The following NKAIN3 variants were observed in gnomAD, a reference collection of about 807,000 sequenced individuals.
NKAIN3 encodes sodium/potassium-transporting ATPase subunit beta-1-interacting protein 3.
Under a neutral mutation model 30.2 loss-of-function variants are expected in NKAIN3, and 25 were observed. The ratio of observed to expected loss-of-function variants is 0.83; its 90% CI spans 0.60 to 1.16. The LOEUF is 1.16. Among genes scored for constraint, NKAIN3 ranks in the 50% most tolerant of loss-of-function variants. The pLI, the probability that NKAIN3 is intolerant of heterozygous loss-of-function variation, is 0.00. For synonymous variants in NKAIN3, 91 were observed against 89.6 expected (o/e 1.02, Z -0.09); for missense variants, 225 against 254.1 (o/e 0.89, Z 0.78).
intron 4 of NKAIN3, among the ~76,000 whole-genome samples, chr8:62,871,389 C>T (rs376935868): frequency 8.9e-5 from 11 of 123,758 alleles, no homozygotes; most frequent in East Asian, 8.6e-4. Flanking sequence ...GGTGACAGAG[C>T]GAGACTCTGT....
chr8:62,385,557 A>G (rs772159592), intron 1 of NKAIN3, among the ~76,000 whole-genome samples: 2 of 152,174 alleles, frequency 1.3e-5, no homozygotes, highest in Non-Finnish European at 1.5e-5. Flanking sequence ...TATTCAAGAA[A>G]ATTTACTCAT....
intron 1 of NKAIN3, among the ~76,000 whole-genome samples, chr8:62,250,011 C>G (rs1812049111): frequency 1.3e-5 from 2 of 152,200 alleles, no homozygotes; most frequent in Non-Finnish European, 2.9e-5. Context: ...TAATAGACAT[C>G]TCCCTTGCGT....
chr8:62,417,985 A>G (rs1202147236), intron 1 of NKAIN3, among the ~76,000 whole-genome samples: 1 of 152,150 alleles, frequency 6.6e-6, no homozygotes, highest in Non-Finnish European at 1.5e-5. Flanking sequence ...AATGAGATCA[A>G]ATTCTATTTT....
intron 1 of NKAIN3, among the ~76,000 whole-genome samples, chr8:62,313,607 T>C (rs1814517579): frequency 6.6e-6 from 1 of 152,178 alleles, no homozygotes; most frequent in Admixed American, 6.5e-5. Context: ...AAATAGTTGA[T>C]ATTCCCTATG....
intron 6 of NKAIN3, among the ~76,000 whole-genome samples, chr8:62,959,773 G>A (rs956933478): frequency 1.2e-4 from 19 of 152,134 alleles, no homozygotes; most frequent in Non-Finnish European, 1.2e-4. Flanking sequence ...GTGGAGCCCC[G>A]TTCCCTGAGG....
intron 2 of NKAIN3, among the ~76,000 whole-genome samples, chr8:62,581,008 C>T (rs1585973654): frequency 6.7e-6 from 1 of 149,892 alleles, no homozygotes. Flanking sequence ...GGGGCCAAGG[C>T]AGGAGGATCG....
chr8:62,773,460 C>T (rs930363288), intron 4 of NKAIN3, among the ~76,000 whole-genome samples: 2 of 152,118 alleles, frequency 1.3e-5, no homozygotes, highest in Non-Finnish European at 2.9e-5. Context: ...GTTACTGTAG[C>T]TCTGCAGCAT....
chr8:62,437,608 C>T (rs1031874574), intron 1 of NKAIN3, among the ~76,000 whole-genome samples: 2 of 152,050 alleles, frequency 1.3e-5, no homozygotes, highest in Non-Finnish European at 2.9e-5. Flanking sequence ...ATGGGTGCTA[C>T]GGAGAGCAAT....
chr8:62,595,382 C>CTTT (rs1181598520), intron 3 of NKAIN3, among the ~76,000 whole-genome samples: 2,146 of 109,872 alleles, frequency 0.02, 75 homozygotes, highest in South Asian at 0.042. Context: ...GGGCTATTTT[C>CTTT]TTTTTTTTTT....
At chr8:62,333,846 A>C (rs1022731176) in intron 1 of NKAIN3, among the ~76,000 whole-genome samples, 1 of 152,108 alleles carries the variant, frequency 6.6e-6, no homozygotes, top group Non-Finnish European at 1.5e-5. Context: ...ACAGTTATCC[A>C]TCACCAAACT....
At chr8:62,913,554 G>T (rs1821989236) in intron 4 of NKAIN3, among the ~76,000 whole-genome samples, 1 of 152,184 alleles carries the variant, frequency 6.6e-6, no homozygotes, top group African/African-American at 2.4e-5. Context: ...GTATTGAGAT[G>T]AATTACAATC....
intron 1 of NKAIN3, among the ~76,000 whole-genome samples, chr8:62,431,219 T>C (rs1218013358): frequency 6.6e-6 from 1 of 151,892 alleles, no homozygotes; most frequent in African/African-American, 2.4e-5. Context: ...TAGTCATTAG[T>C]CAGGCTGCAT....
chr8:62,993,316 G>A lies in NKAIN3; in HGVS notation c.533-5915G>A, dbSNP rs757057051. Among the ~76,000 whole-genome samples, 18 of 152,174 alleles carry A rather than the reference G, an allele frequency of 1.2e-4. No homozygotes were observed. The South Asian group carries it at 1.9e-3, about 16-fold the overall frequency. On this transcript the variant is annotated intron_variant, in intron 5 of 5. Coordinates refer to the NKAIN3 transcript ENST00000519049. ...ACAACCTTTTATTACAAATAGTTTC[G>A]TTTAGTATTTTTTACATTGTAATGT...
intron 1 of NKAIN3, among the ~76,000 whole-genome samples, chr8:62,532,731 C>T (rs1808526686): frequency 6.6e-6 from 1 of 152,148 alleles, no homozygotes; most frequent in Non-Finnish European, 1.5e-5. Flanking sequence ...TATGAAAAGG[C>T]TTATTACTGG....
intron 4 of NKAIN3, among the ~76,000 whole-genome samples, chr8:62,814,398 AAC>A (rs1818603908): frequency 6.6e-6 from 1 of 151,916 alleles, no homozygotes; most frequent in Non-Finnish European, 1.5e-5. Flanking sequence ...ATATCTACAG[AAC>A]TCTCCACCCC....
intron 3 of NKAIN3, among the ~76,000 whole-genome samples, chr8:62,734,637 A>T (rs983886812): frequency 1.3e-5 from 2 of 152,210 alleles, no homozygotes; most frequent in Admixed American, 1.3e-4. Flanking sequence ...ATACTCCAAG[A>T]GAAATAAGAA....
At chr8:62,796,094 C>T (rs1817851848) in intron 4 of NKAIN3, among the ~76,000 whole-genome samples, 1 of 151,960 alleles carries the variant, frequency 6.6e-6, no homozygotes, top group Admixed American at 6.6e-5. Flanking sequence ...ATTTTAAAGT[C>T]AGCAGTAGGC....
chr8:62,330,619 A>G (rs1336676607), intron 1 of NKAIN3, among the ~76,000 whole-genome samples: 1 of 152,032 alleles, frequency 6.6e-6, no homozygotes, highest in Non-Finnish European at 1.5e-5. Context: ...CCAGATGGCA[A>G]CCTGGACATG....
rs1823693131 is a variant in NKAIN3, at chr8:62,965,681, G to A, written c.*274G>A. The stretch of plus-strand genomic sequence containing the variant: ...TTAAATTTTTAACAATATTTAATGT[G>A]AGGCATGCAAAATGAAAAAGCAAAT... On this transcript the variant is annotated 3_prime_UTR_variant, in exon 7 of 7. Transcript: ENST00000623646. 1 of 971,636 alleles carries A rather than the reference G, an allele frequency of 1.0e-6. No individual in the cohort carries two copies. Among genetic ancestry groups the A allele is most frequent in the Non-Finnish European group, 1.2e-6 (1 of 818,060 alleles). 60.2% of individuals were successfully genotyped at this position (971,636 alleles called of 1,614,324 possible).
Sources: allele counts gnomAD v4.1 joint callset (sites outside exome capture counted in the v4.1 genomes callset), GRCh38; gene constraint gnomAD v4.1.1; transcripts MANE v1.5; gene names NCBI Gene and HGNC (gene_info 2026-07-23, HGNC 2026-07-21).